RPGRIP1: variants seen among roughly 807,000 people sequenced by gnomAD.
RPGRIP1 encodes RPGR interacting protein 1, also known as X-linked retinitis pigmentosa GTPase regulator-interacting protein 1.
Under a neutral mutation model 157.9 loss-of-function variants are expected in RPGRIP1, and 128 were observed. The ratio of observed to expected loss-of-function variants is 0.81; its 90% confidence interval spans 0.70 to 0.94. The LOEUF (loss-of-function observed/expected upper bound fraction) is 0.94. Among genes scored for constraint, RPGRIP1 ranks in the 40% least tolerant of loss-of-function variants. The pLI, the probability that RPGRIP1 is intolerant of heterozygous loss-of-function variation, is 0.00. For missense variants in RPGRIP1, 1,486 were observed against 1,545.8 expected, an observed-to-expected ratio of 0.96 and a Z score of 0.65; for synonymous variants, 554 against 571.6, an observed-to-expected ratio of 0.97 and a Z score of 0.44.
chr14:21,294,379 T>A (rs1289615403), intron 2 of RPGRIP1, among the ~76,000 whole-genome samples: 1 of 151,708 alleles, frequency 6.6e-6, no homozygotes, highest in Non-Finnish European at 1.5e-5. Flanking sequence ...TACAGGCACG[T>A]GCCACCACGC....
chr14:21,293,526 T>C (rs1850007067), intron 2 of RPGRIP1, among the ~76,000 whole-genome samples: 1 of 151,666 alleles, frequency 6.6e-6, no homozygotes, highest in Non-Finnish European at 1.5e-5. Context: ...GTGGATCACC[T>C]GAGGTCAGGA....
At chr14:21,310,802 T>A (rs1382602922) in intron 8 of RPGRIP1, 195 bp downstream of exon 8, 16 of 679,540 alleles carry the variant, frequency 2.4e-5, no homozygotes, top group Admixed American at 1.7e-4. Flanking sequence ...ACTGTTTTCA[T>A]AAAAATTGAA....
At position 21,343,163 on chromosome 14, in the gene RPGRIP1, C is replaced by CCT. The variant is rs776698746; in HGVS notation, c.3467_3468insCT (p.Glu1157Ter). Reference sequence around the variant, plus strand: ...TTCTACGACCTACCCTTGTCGGAGACAGAGACTCCAGTGTCCCTAAGGAAG... The same window carrying CCT: ...TTCTACGACCTACCCTTGTCGGAGACCTAGAGACTCCAGTGTCCCTAAGGAAG... On this transcript the variant is annotated frameshift_variant, in exon 22 of 25. Coordinates refer to ENST00000400017, the MANE Select transcript of RPGRIP1 (RefSeq NM_020366.4). LOFTEE classifies it high-confidence loss of function. The CCT allele has an allele frequency of 6.2e-7, 1 of 1,613,650 alleles. No homozygotes were observed.
intron 19 of RPGRIP1, 105 bp from the exon 20 acceptor site, chr14:21,330,144 A>G (rs941050055): frequency 3.6e-5 from 26 of 717,820 alleles, no homozygotes; most frequent in Non-Finnish European, 5.0e-5. Context: ...TAAAAATTAA[A>G]AAAATAAAAA....
intron 20 of RPGRIP1, among the ~76,000 whole-genome samples, chr14:21,333,615 T>C (rs893164136): frequency 2.6e-5 from 4 of 152,188 alleles, no homozygotes; most frequent in Non-Finnish European, 4.4e-5. Context: ...GCTGATGGGT[T>C]CATCTTGCAA....
At chr14:21,327,968 A>G (rs1181565399) in intron 18 of RPGRIP1, among the ~76,000 whole-genome samples, 161 bp downstream of exon 18, 3 of 152,220 alleles carry the variant, frequency 2.0e-5, no homozygotes, top group African/African-American at 4.8e-5. Flanking sequence ...CAGGAGTTCA[A>G]GACCAGCCTG....
chr14:21,322,283 A>G (rs899501142), intron 14 of RPGRIP1, among the ~76,000 whole-genome samples: 12 of 151,740 alleles, frequency 7.9e-5, no homozygotes, highest in Non-Finnish European at 1.6e-4. Flanking sequence ...TCAGCCTCCC[A>G]AGTAGCTGGG....
intron 10 of RPGRIP1, among the ~76,000 whole-genome samples, chr14:21,314,339 C>T (rs745929735): frequency 3.9e-4 from 59 of 152,276 alleles, no homozygotes; most frequent in Middle Eastern, 6.8e-3. Context: ...CTGCCTTGGT[C>T]TCCCAAAGTG....
chr14:21,313,803 A>T (rs1480069689), intron 10 of RPGRIP1, among the ~76,000 whole-genome samples: 1 of 149,670 alleles, frequency 6.7e-6, no homozygotes, highest in Admixed American at 6.7e-5. Context: ...AAAAAAAAAG[A>T]TACATTGTAA....
chr14:21,305,849 A>G (rs1165527743), intron 6 of RPGRIP1, among the ~76,000 whole-genome samples: 1 of 152,180 alleles, frequency 6.6e-6, no homozygotes, highest in African/African-American at 2.4e-5. Flanking sequence ...CAACAGAGCA[A>G]GACTCTGTCT....
intron 14 of RPGRIP1, among the ~76,000 whole-genome samples, chr14:21,322,240 C>T (rs932644296): frequency 3.3e-5 from 5 of 152,112 alleles, no homozygotes; most frequent in Non-Finnish European, 5.9e-5. Flanking sequence ...TCACTGCAAC[C>T]TCTGCCTTCC....
At chr14:21,340,471 A>C (rs1242819623) in intron 21 of RPGRIP1, among the ~76,000 whole-genome samples, 1 of 152,212 alleles carries the variant, frequency 6.6e-6, no homozygotes, top group African/African-American at 2.4e-5. Flanking sequence ...CCTGGGCAAC[A>C]TGGTGAAACC....
chr14:21,294,160 G>C (rs1880658598), intron 2 of RPGRIP1, among the ~76,000 whole-genome samples: 1 of 151,472 alleles, frequency 6.6e-6, no homozygotes, highest in Non-Finnish European at 1.5e-5. Flanking sequence ...TAGACGGAAG[G>C]TCGAGTTATA....
chr14:21,348,661 GTC>G (rs1353248173), intron 24 of RPGRIP1, among the ~76,000 whole-genome samples: 1 of 127,440 alleles, frequency 7.8e-6, no homozygotes, highest in African/African-American at 3.0e-5. Flanking sequence ...CATGCATCCA[GTC>G]TTTTTTTTTT....
intron 24 of RPGRIP1, among the ~76,000 whole-genome samples, chr14:21,348,886 C>T (rs1032524792): frequency 2.0e-5 from 3 of 151,938 alleles, no homozygotes; most frequent in African/African-American, 7.3e-5. Context: ...GTCTCGAACT[C>T]CTGACCTCAA....
intron 23 of RPGRIP1, among the ~76,000 whole-genome samples, chr14:21,347,510 CTTTG>C (rs781092575): frequency 6.1e-4 from 93 of 151,932 alleles, no homozygotes; most frequent in Non-Finnish European, 1.0e-3. Context: ...AAAGTAATTC[CTTTG>C]TTTCAGTTTA....
At chr14:21,292,607 T>A (rs1385361447) in intron 2 of RPGRIP1, among the ~76,000 whole-genome samples, 1 of 150,824 alleles carries the variant, frequency 6.6e-6, no homozygotes, top group South Asian at 2.1e-4. Context: ...TTTGGGAGGC[T>A]GAGGCAGGCG....
At chr14:21,299,806 GT>G (rs1356595387) in intron 3 of RPGRIP1, among the ~76,000 whole-genome samples, 1 of 152,194 alleles carries the variant, frequency 6.6e-6, no homozygotes, top group Non-Finnish European at 1.5e-5. Context: ...ACAGACATTG[GT>G]TTTCTCAGAG....
At chr14:21,351,013 A>T (rs1260298013) in intron 24 of RPGRIP1, 91 bp from the exon 25 acceptor site, 2 of 669,928 alleles carry the variant, frequency 3.0e-6, no homozygotes, top group Non-Finnish European at 5.1e-6. Flanking sequence ...GGGTAATTTC[A>T]TTCATTTAGC....
Sources: gnomAD v4.1 joint callset for allele counts (sites outside exome capture counted in the v4.1 genomes callset) on GRCh38, gnomAD v4.1.1 for gene constraint, MANE v1.5 for transcripts, NCBI Gene and HGNC (gene_info 2026-07-23, HGNC 2026-07-21) for gene names.